TRIM55: variants seen among roughly 807,000 people sequenced by gnomAD.
TRIM55 encodes tripartite motif containing 55, also known as tripartite motif-containing protein 55.
Under a neutral mutation model 60.9 loss-of-function variants are expected in TRIM55, and 50 were observed. The ratio of observed to expected loss-of-function variants is 0.82; its 90% confidence interval spans 0.65 to 1.04. TRIM55 has a LOEUF of 1.04. TRIM55 is among the 50% of genes least tolerant of loss of function. The pLI is 0.00. For synonymous variants in TRIM55, 237 were observed against 238.1 expected (o/e 1.00, Z 0.04); for missense variants, 681 against 666.9 (o/e 1.02, Z -0.23).
In TRIM55 at chr8:66,150,053, G is replaced by A. The variant is rs939987603; in HGVS notation, c.838-164G>A. On this transcript the variant is annotated intron_variant, in intron 5 of 9. Coordinates refer to ENST00000315962, the MANE Select transcript of TRIM55 (RefSeq NM_184085.2). ...TAAACAACTTAAATAGCATGTCTAT[G>A]ATACTGCTTAAATCTAATAGGGTTC... Among the ~76,000 whole-genome samples the A allele has an allele frequency of 2.6e-5, 4 of 152,134 alleles. No individual in the cohort carries two copies. The South Asian group carries it at 8.3e-4, about 32-fold the overall frequency.
At chr8:66,155,699 T>G (rs1158956638) in intron 9 of TRIM55, 1 of 1,608,570 alleles carries the variant, frequency 6.2e-7, no homozygotes, top group Non-Finnish European at 8.5e-7. Flanking sequence ...TGCTTGATTT[T>G]TACTTTAATG....
At chr8:66,160,829 G>T (rs1811007078) in intron 9 of TRIM55, among the ~76,000 whole-genome samples, 1 of 149,804 alleles carries the variant, frequency 6.7e-6, no homozygotes, top group African/African-American at 2.4e-5. Context: ...TTTGAGAATT[G>T]TCTGTTCATG....
chr8:66,173,802 A>G (rs1440167195), intron 9 of TRIM55, among the ~76,000 whole-genome samples: 1 of 152,176 alleles, frequency 6.6e-6, no homozygotes, highest in Non-Finnish European at 1.5e-5. Context: ...TAAATTCAGA[A>G]TTGCAACCTG....
At chr8:66,114,203 A>G in the TRIM55 span, among the ~76,000 whole-genome samples, 3 of 151,410 alleles carry the variant, frequency 2.0e-5, no homozygotes, top group Non-Finnish European at 2.9e-5. Flanking sequence ...GATTAGCTCA[A>G]ATGGTAGAGC....
rs150677263 is a variant in TRIM55, at chr8:66,154,276, C to G, written c.1466C>G (p.Ala489Gly). The G allele has an allele frequency of 6.2e-7, 1 of 1,614,082 alleles. No individual in the cohort carries two copies. The change falls in exon 9 of 10, where the codon GCG becomes GGG. Residue 489 changes from alanine (A) to glycine (G), a missense_variant. Transcript: ENST00000315962. ...VRKAEVAAAA[A>G]SERAAVSGKE... ...AAGGCAGAAGTGGCAGCAGCCGCAG[C>G]GAGTGAGAGGGCAGCTGTGAGTGGT...
chr8:66,117,771 T>C, the TRIM55 span, among the ~76,000 whole-genome samples: 2 of 152,194 alleles, frequency 1.3e-5, no homozygotes, highest in Non-Finnish European at 2.9e-5. Flanking sequence ...GGTTCAGACA[T>C]GGGCCATTGG....
At chr8:66,144,807 G>C (rs1324587854) in intron 4 of TRIM55, among the ~76,000 whole-genome samples, 1 of 152,204 alleles carries the variant, frequency 6.6e-6, no homozygotes, top group East Asian at 1.9e-4. Flanking sequence ...GTGGAGAAGA[G>C]ACAAATATGG....
intron 4 of TRIM55, among the ~76,000 whole-genome samples, chr8:66,142,405 A>G (rs1031504117): frequency 6.6e-6 from 1 of 152,210 alleles, no homozygotes; most frequent in African/African-American, 2.4e-5. Flanking sequence ...TAGGCAACCA[A>G]GGGAGACTGA....
intron 2 of TRIM55, among the ~76,000 whole-genome samples, chr8:66,133,521 T>C (rs1459203851): frequency 2.0e-5 from 3 of 152,218 alleles, no homozygotes; most frequent in Non-Finnish European, 2.9e-5. Context: ...TTATTTGAGT[T>C]CCAAATAATG....
At chr8:66,162,206 T>A (rs563092778) in intron 9 of TRIM55, among the ~76,000 whole-genome samples, 1 of 152,298 alleles carries the variant, frequency 6.6e-6, no homozygotes, top group African/African-American at 2.4e-5. Context: ...TATGCTAATT[T>A]TGCTGAGGGT....
chr8:66,166,945 T>G (rs1811359060), intron 9 of TRIM55, among the ~76,000 whole-genome samples: 1 of 152,168 alleles, frequency 6.6e-6, no homozygotes, highest in South Asian at 2.1e-4. Flanking sequence ...CGGCACAGCC[T>G]CACAAGAACA....
intron 9 of TRIM55, among the ~76,000 whole-genome samples, chr8:66,172,934 T>G (rs7010547): frequency 0.11 from 16,267 of 152,226 alleles, 1,620 homozygotes; most frequent in African/African-American, 0.26. Flanking sequence ...TGTTGTTGTT[T>G]TTTGCATAAG....
intron 2 of TRIM55, 64 bp downstream of exon 2, chr8:66,128,540 T>C: frequency 6.5e-7 from 1 of 1,537,414 alleles, no homozygotes; most frequent in Non-Finnish European, 8.9e-7. Context: ...TTGTTTGTTT[T>C]AATGGGTTGC....
At chr8:66,117,561 A>G in the TRIM55 span, among the ~76,000 whole-genome samples, 1 of 152,246 alleles carries the variant, frequency 6.6e-6, no homozygotes, top group African/African-American at 2.4e-5. Context: ...GGGCCAGATC[A>G]TATCAGGTCT....
intron 7 of TRIM55, among the ~76,000 whole-genome samples, chr8:66,150,748 C>A (rs1278986123): frequency 6.6e-6 from 1 of 151,986 alleles, no homozygotes; most frequent in Non-Finnish European, 1.5e-5. Flanking sequence ...CTCACTGGAA[C>A]CTCCACCTCC....
At chr8:66,114,676 G>A in the TRIM55 span, 2 of 455,990 alleles carry the variant, frequency 4.4e-6, no homozygotes, top group South Asian at 3.1e-5. Context: ...GCTCAACCGA[G>A]GAAGCAGGAA....
chr8:66,113,404 C>T, the TRIM55 span: 16 of 413,546 alleles, frequency 3.9e-5, no homozygotes, highest in African/African-American at 6.1e-5. Flanking sequence ...AGGACTGTAG[C>T]TACTTCCTCA....
intron 7 of TRIM55, among the ~76,000 whole-genome samples, chr8:66,150,800 G>C (rs900841648): frequency 1.3e-5 from 2 of 152,086 alleles, no homozygotes; most frequent in African/African-American, 4.8e-5. Context: ...CTGAGTAGCT[G>C]GGATTACAGG....
chr8:66,170,607 C>T (rs1057491458), intron 9 of TRIM55, among the ~76,000 whole-genome samples: 9 of 151,758 alleles, frequency 5.9e-5, no homozygotes, highest in East Asian at 3.9e-4. Context: ...TTGTTTGCAA[C>T]GAATTCACAT....
Sources: gnomAD v4.1 joint callset for allele counts (sites outside exome capture counted in the v4.1 genomes callset) on GRCh38, gnomAD v4.1.1 for gene constraint, MANE v1.5 for transcripts, NCBI Gene and HGNC (gene_info 2026-07-23, HGNC 2026-07-21) for gene names.